The following MCTP1 variants were observed in gnomAD, a reference collection of about 807,000 sequenced individuals.
MCTP1 encodes multiple C2 and transmembrane domain-containing protein 1.
A neutral mutation model predicts 120.6 loss-of-function variants in MCTP1; 69 were observed. The ratio of observed to expected loss-of-function variants is 0.57; its 90% CI spans 0.47 to 0.70. The LOEUF (loss-of-function observed/expected upper bound fraction) is 0.70, where lower values mean the gene tolerates loss of function less well. MCTP1 is among the 30% of genes least tolerant of loss of function. The probability of loss-of-function intolerance (pLI) is 0.00; values close to 1 mark genes in which losing one functional copy is unlikely to be tolerated. For missense variants in MCTP1, 1,203 were observed against 1,248.8 expected, an observed-to-expected ratio of 0.96 and a Z score of 0.55; for synonymous variants, 529 against 493.1, an observed-to-expected ratio of 1.07 and a Z score of -0.96.
intron 1 of MCTP1, among the ~76,000 whole-genome samples, chr5:95,035,722 T>TA (rs1288644053): frequency 2.6e-5 from 4 of 152,176 alleles, no homozygotes. Context: ...AATGTGTAAT[T>TA]AAAAAATATA....
At chr5:94,725,455 G>C (rs1018167282) in intron 19 of MCTP1, among the ~76,000 whole-genome samples, 2 of 152,122 alleles carry the variant, frequency 1.3e-5, no homozygotes, top group Admixed American at 6.5e-5. Context: ...GCAAATGCTG[G>C]GCTAGGTTTT....
chr5:94,866,154 G>A (rs755737825), intron 17 of MCTP1, among the ~76,000 whole-genome samples: 1 of 151,872 alleles, frequency 6.6e-6, no homozygotes, highest in African/African-American at 2.4e-5. Flanking sequence ...CATCATTGAA[G>A]AATGAGTTTC....
intron 12 of MCTP1, among the ~76,000 whole-genome samples, chr5:94,886,659 G>A (rs1214921967): frequency 6.6e-6 from 1 of 152,136 alleles, no homozygotes; most frequent in Non-Finnish European, 1.5e-5. Context: ...ATTCCTAAAT[G>A]GACGCTAAGT....
At chr5:95,209,602 T>C (rs1383700150) in intron 1 of MCTP1, among the ~76,000 whole-genome samples, 2 of 152,176 alleles carry the variant, frequency 1.3e-5, no homozygotes, top group African/African-American at 4.8e-5. Flanking sequence ...CCTAAAAGTC[T>C]ATTTGCCATA....
At chr5:94,898,752 C>T (rs1383750145) in intron 10 of MCTP1, among the ~76,000 whole-genome samples, 1 of 152,138 alleles carries the variant, frequency 6.6e-6, no homozygotes, top group Admixed American at 6.5e-5. Context: ...TTCACAGATA[C>T]ATACACAGAG....
At position 94,707,449 on chromosome 5, in the gene MCTP1, T is replaced by A. The variant is rs759855560; in HGVS notation, c.*47A>T. 2.0e-6 allele frequency: 3 copies of A among 1,474,152 alleles called. No homozygotes were observed. In the South Asian group the frequency reaches 3.6e-5, roughly 18 times the overall value. 91.3% of individuals were successfully genotyped at this position (1,474,152 alleles called of 1,614,324 possible). ...TGCTGCTGAGGCTGAGGGCTTTTTC[T>A]TTTATCTTCCCAAACAGATGCTGGT... On this transcript the variant is annotated 3_prime_UTR_variant, in exon 23 of 23. Coordinates refer to ENST00000515393, the MANE Select transcript of MCTP1 (RefSeq NM_024717.7).
At chr5:95,104,703 T>C (rs1319592428) in intron 1 of MCTP1, among the ~76,000 whole-genome samples, 1 of 152,214 alleles carries the variant, frequency 6.6e-6, no homozygotes, top group Non-Finnish European at 1.5e-5. Context: ...AATACCAAAG[T>C]CTACTGCAAG....
At chr5:95,057,958 A>C (rs1035930590) in intron 1 of MCTP1, among the ~76,000 whole-genome samples, 1 of 152,208 alleles carries the variant, frequency 6.6e-6, no homozygotes, top group African/African-American at 2.4e-5. Context: ...CTTATTTATA[A>C]TAAAAGACTA....
At chr5:94,808,954 T>C (rs1161344390) in intron 17 of MCTP1, among the ~76,000 whole-genome samples, 1 of 152,200 alleles carries the variant, frequency 6.6e-6, no homozygotes. Context: ...TTGAAGTTGC[T>C]ATCTGAAACC....
intron 12 of MCTP1, among the ~76,000 whole-genome samples, chr5:94,880,194 G>A (rs911498200): frequency 6.6e-6 from 1 of 152,114 alleles, no homozygotes; most frequent in African/African-American, 2.4e-5. Flanking sequence ...CTATATGCAA[G>A]TGATTCGTTA....
chr5:94,708,599 T>C lies in MCTP1; in HGVS notation c.2841A>G (p.Lys947=). 6.2e-7 allele frequency: 1 copy of C among 1,604,182 alleles called. No homozygotes were observed. Among genetic ancestry groups the C allele is most frequent in the South Asian group, 1.1e-5 (1 of 90,804 alleles). ...RYIVLVWGIN[K]FTKKLRSPYA... ...ATGGACTCCGAAGCTTTTTTGTAAATTTATTGATGCCTGAAACAAAGTTGG... is the reference window on the plus strand; with the variant it reads ...ATGGACTCCGAAGCTTTTTTGTAAACTTATTGATGCCTGAAACAAAGTTGG... Residue 947 remains lysine, a synonymous_variant, in exon 22 of 23, where the codon AAA becomes AAG. Coordinates refer to ENST00000515393, the MANE Select transcript of MCTP1 (RefSeq NM_024717.7).
intron 2 of MCTP1, among the ~76,000 whole-genome samples, chr5:94,956,482 C>T (rs1006507978): frequency 1.3e-5 from 2 of 152,216 alleles, no homozygotes; most frequent in Admixed American, 1.3e-4. Context: ...GCTAAAGGAG[C>T]ATGTGGTAAC....
intron 3 of MCTP1, among the ~76,000 whole-genome samples, chr5:94,952,588 A>G (rs1336094719): frequency 6.6e-6 from 1 of 152,214 alleles, no homozygotes; most frequent in African/African-American, 2.4e-5. Flanking sequence ...AGGAGCAAAA[A>G]AGAATATAAG....
intron 1 of MCTP1, among the ~76,000 whole-genome samples, chr5:95,220,111 C>G (rs1421132998): frequency 5.9e-5 from 9 of 152,070 alleles, no homozygotes; most frequent in South Asian, 2.1e-4. Context: ...TTTCAGAACT[C>G]AAGATTAAAA....
rs1479966394 is a variant in MCTP1 at position 94,942,330 on chromosome 5, C to T, written c.1061+18G>A. ...TGCATGACAAGGGGTGGTGATATTA[C>T]AGCAGTTCAAAAGTTACCTGTTTAA... On this transcript the variant is annotated intron_variant, in intron 4 of 22. Transcript: ENST00000515393. 1 of 1,591,568 alleles carries T rather than the reference C, an allele frequency of 6.3e-7. No individual in the cohort carries two copies. Among genetic ancestry groups the T allele is most frequent in the Non-Finnish European group, 8.6e-7 (1 of 1,160,894 alleles).
At chr5:95,076,230 T>A (rs571692128) in intron 1 of MCTP1, among the ~76,000 whole-genome samples, 1 of 152,234 alleles carries the variant, frequency 6.6e-6, no homozygotes, top group East Asian at 1.9e-4. Flanking sequence ...CAAAATATCA[T>A]ACAGTACCAT....
chr5:95,041,015 C>A (rs1158952267), intron 1 of MCTP1, among the ~76,000 whole-genome samples: 1 of 151,992 alleles, frequency 6.6e-6, no homozygotes, highest in Non-Finnish European at 1.5e-5. Flanking sequence ...ATTGAGTTAG[C>A]CTCTGGATTT....
At chr5:94,754,156 T>C (rs561586656) in intron 19 of MCTP1, among the ~76,000 whole-genome samples, 5 of 152,298 alleles carry the variant, frequency 3.3e-5, no homozygotes, top group Admixed American at 2.0e-4. Flanking sequence ...AAAATATGTA[T>C]AATTTACTCA....
At chr5:95,005,647 T>C (rs530185421) in intron 2 of MCTP1, among the ~76,000 whole-genome samples, 1 of 152,198 alleles carries the variant, frequency 6.6e-6, no homozygotes, top group South Asian at 2.1e-4. Flanking sequence ...GCTGGACAGA[T>C]GAATATGTGC....
Sources: gnomAD v4.1 joint callset for allele counts (sites outside exome capture counted in the v4.1 genomes callset) on GRCh38, gnomAD v4.1.1 for gene constraint, MANE v1.5 for transcripts, NCBI Gene and HGNC (gene_info 2026-07-23, HGNC 2026-07-21) for gene names.